Variants in CMSS1 observed in about 807,000 individuals in gnomAD.
CMSS1 encodes cms1 ribosomal small subunit homolog.
Under a neutral mutation model 43.5 loss-of-function variants are expected in CMSS1, and 33 were observed. That is an observed-to-expected ratio of 0.76 (90% confidence interval 0.57 to 1.01). The LOEUF (loss-of-function observed/expected upper bound fraction) is 1.01. Ranked by LOEUF, CMSS1 falls within the 50% of genes least tolerant of loss-of-function variation. The pLI is 0.00. For synonymous variants in CMSS1, 115 were observed against 117.2 expected, an observed-to-expected ratio of 0.98 and a Z score of 0.12; for missense variants, 313 against 326.4, an observed-to-expected ratio of 0.96 and a Z score of 0.32.
rs1213657088 is a variant in CMSS1 at position 100,179,658 on chromosome 3, G to A, written c.*1270G>A. The A allele has an allele frequency of 1.3e-5, 2 of 152,366 alleles. No individual in the cohort carries two copies. The highest frequency in any genetic ancestry group is 1.5e-5 in the Non-Finnish European group (1 of 68,144). 9.4% of individuals were successfully genotyped at this position (152,366 alleles called of 1,614,324 possible). ...GGCTCTGCAGGGTACAGTCCCCATG[G>A]TTGCTTTCACAGGCTGGTGTTGAGT... On this transcript the variant is annotated 3_prime_UTR_variant, in exon 10 of 10. Coordinates refer to ENST00000421999, the MANE Select transcript of CMSS1 (RefSeq NM_032359.4).
At chr3:99,941,164 C>A (rs567457719) in intron 1 of CMSS1, among the ~76,000 whole-genome samples, 1 of 152,122 alleles carries the variant, frequency 6.6e-6, no homozygotes, top group South Asian at 2.1e-4. Context: ...CCAAATAATA[C>A]GATTCATTCT....
chr3:99,847,547 TTATCATCTGCTTC>T (rs1471685566), intron 1 of CMSS1, among the ~76,000 whole-genome samples: 1 of 152,186 alleles, frequency 6.6e-6, no homozygotes, highest in Non-Finnish European at 1.5e-5. Flanking sequence ...CTTTTTAATT[TTATCATCTGCTTC>T]TATGTGCTCA....
chr3:100,165,437 T>A (rs2067058099), intron 4 of CMSS1, among the ~76,000 whole-genome samples: 1 of 152,074 alleles, frequency 6.6e-6, no homozygotes, highest in Non-Finnish European at 1.5e-5. Flanking sequence ...TAAAAATATA[T>A]ATATATTCTT....
chr3:100,005,355 C>T (rs1240036481), intron 1 of CMSS1, among the ~76,000 whole-genome samples: 1 of 152,160 alleles, frequency 6.6e-6, no homozygotes. Flanking sequence ...TTAGGGGGTT[C>T]AGATTAGGAT....
intron 1 of CMSS1, among the ~76,000 whole-genome samples, chr3:100,138,822 C>G (rs1275818023): frequency 1.3e-5 from 2 of 152,158 alleles, no homozygotes; most frequent in African/African-American, 2.4e-5. Flanking sequence ...TACCATTTGA[C>G]CCAGCAATCC....
intron 1 of CMSS1, among the ~76,000 whole-genome samples, chr3:100,011,081 T>C (rs891614881): frequency 6.6e-6 from 1 of 152,164 alleles, no homozygotes; most frequent in African/African-American, 2.4e-5. Flanking sequence ...TGGTCTGTGA[T>C]AATAGAAGAT....
At chr3:100,047,230 T>A (rs1033700802) in intron 1 of CMSS1, among the ~76,000 whole-genome samples, 3 of 152,220 alleles carry the variant, frequency 2.0e-5, no homozygotes, top group African/African-American at 7.2e-5. Flanking sequence ...GAGGGAAGTG[T>A]TGTTATTTTC....
intron 1 of CMSS1, among the ~76,000 whole-genome samples, chr3:100,103,049 G>A (rs1374612925): frequency 6.6e-6 from 1 of 152,222 alleles, no homozygotes; most frequent in Admixed American, 6.5e-5. Context: ...ACTAAGTGCT[G>A]TAAAAATGAA....
chr3:99,848,877 A>G (rs1943506363), intron 1 of CMSS1: 2 of 1,613,960 alleles, frequency 1.2e-6, no homozygotes, highest in African/African-American at 1.3e-5. Flanking sequence ...GTATCACTGC[A>G]GTACTCGTGT....
At chr3:100,151,185 T>G (rs1196961994) in intron 2 of CMSS1, among the ~76,000 whole-genome samples, 1 of 152,260 alleles carries the variant, frequency 6.6e-6, no homozygotes, top group African/African-American at 2.4e-5. Context: ...TGTGTCCTAT[T>G]CATTCTCTGA....
At chr3:100,013,099 A>G (rs1377239744) in intron 1 of CMSS1, among the ~76,000 whole-genome samples, 2 of 149,756 alleles carry the variant, frequency 1.3e-5, no homozygotes, top group Non-Finnish European at 3.0e-5. Context: ...CTGATCTTGA[A>G]CTCCTGGGCT....
chr3:99,843,968 A>G (rs2107511293), intron 1 of CMSS1, among the ~76,000 whole-genome samples: 1 of 152,298 alleles, frequency 6.6e-6, no homozygotes, highest in African/African-American at 2.4e-5. Flanking sequence ...CTGAGTGGAC[A>G]GTTTCATCCT....
At chr3:100,064,906 A>C (rs936741928) in intron 1 of CMSS1, among the ~76,000 whole-genome samples, 2 of 152,204 alleles carry the variant, frequency 1.3e-5, no homozygotes, top group Non-Finnish European at 1.5e-5. Context: ...GGGCAGGGGG[A>C]CTAACAAACA....
At chr3:99,992,198 G>T (rs946059614) in intron 1 of CMSS1, among the ~76,000 whole-genome samples, 3 of 151,872 alleles carry the variant, frequency 2.0e-5, no homozygotes, top group Non-Finnish European at 4.4e-5. Flanking sequence ...TAGTGAAATT[G>T]CTGAATCAAA....
chr3:99,841,709 A>G (rs1171816123), intron 1 of CMSS1, among the ~76,000 whole-genome samples: 1 of 152,210 alleles, frequency 6.6e-6, no homozygotes, highest in East Asian at 1.9e-4. Context: ...AGATATACAA[A>G]TGGCAAACAC....
intron 2 of CMSS1, among the ~76,000 whole-genome samples, chr3:100,152,921 T>G (rs948878152): frequency 2.0e-5 from 3 of 152,252 alleles, no homozygotes; most frequent in Admixed American, 6.5e-5. Context: ...TCTTCATCAA[T>G]CACTTTACTT....
At chr3:100,059,229 T>G (rs922370334) in intron 1 of CMSS1, among the ~76,000 whole-genome samples, 1 of 152,258 alleles carries the variant, frequency 6.6e-6, no homozygotes, top group African/African-American at 2.4e-5. Context: ...TCTGGGAAGC[T>G]ATCCTTTAAA....
chr3:100,123,211 G>A (rs2066635992), intron 1 of CMSS1, among the ~76,000 whole-genome samples: 1 of 152,216 alleles, frequency 6.6e-6, no homozygotes, highest in Non-Finnish European at 1.5e-5. Flanking sequence ...TCTCTCTGAA[G>A]AGGCCATTTA....
At chr3:99,818,770 T>G (rs1170744472) in intron 1 of CMSS1, among the ~76,000 whole-genome samples, 6 of 152,202 alleles carry the variant, frequency 3.9e-5, no homozygotes, top group Admixed American at 3.9e-4. Context: ...AATACTAGAA[T>G]TCAGTTAACA....
Sources: gnomAD v4.1 joint callset for allele counts (sites outside exome capture counted in the v4.1 genomes callset) on GRCh38, gnomAD v4.1.1 for gene constraint, MANE v1.5 for transcripts, NCBI Gene and HGNC (gene_info 2026-07-23, HGNC 2026-07-21) for gene names.